The following LTN1 variants were observed in gnomAD, a reference collection of about 807,000 sequenced individuals.
LTN1 encodes the protein E3 ubiquitin-protein ligase listerin.
A neutral mutation model predicts 201.2 loss-of-function variants in LTN1; 88 were observed. That is an observed-to-expected ratio of 0.44 (90% confidence interval 0.37 to 0.52). LTN1 has a LOEUF of 0.52. Ranked by LOEUF, LTN1 falls within the 20% of genes least tolerant of loss-of-function variation. The probability of loss-of-function intolerance (pLI) is 0.00; values close to 1 mark genes in which losing one functional copy is unlikely to be tolerated. For synonymous variants in LTN1, 645 were observed against 713.5 expected, an observed-to-expected ratio of 0.90 and a Z score of 1.53; for missense variants, 1,752 against 2,038.7, an observed-to-expected ratio of 0.86 and a Z score of 2.71.
intron 6 of LTN1, among the ~76,000 whole-genome samples, chr21:28,977,769 A>G (rs2084627644): frequency 6.6e-6 from 1 of 151,994 alleles, no homozygotes; most frequent in Non-Finnish European, 1.5e-5. Context: ...TCTACTAAAA[A>G]ATACAAAAAT....
At chr21:28,964,593 G>A in intron 11 of LTN1, 1 of 1,539,790 alleles carries the variant, frequency 6.5e-7, no homozygotes, top group Non-Finnish European at 8.8e-7. Flanking sequence ...TCTGAGATAT[G>A]CCAGTATGAA....
rs1394095277 is a variant in LTN1, at chr21:28,947,626, A to C, written c.3345-20T>G. On this transcript the variant is annotated intron_variant, in intron 18 of 29. Coordinates refer to ENST00000361371, the MANE Select transcript of LTN1 (RefSeq NM_015565.3). ...AAAAAACTGTTTAAAGAAAAAAAAA[A>C]CACAAGTTAGATTTCTTCCAAACAT... The C allele has an allele frequency of 6.6e-7, 1 of 1,504,926 alleles. No individual in the cohort carries two copies. Among genetic ancestry groups the C allele is most frequent in the Non-Finnish European group, 8.9e-7 (1 of 1,124,698 alleles). The allele number at this position is 1,504,926 out of a possible 1,614,324, so 93.2% of individuals were successfully genotyped here.
chr21:28,936,264 C>T (rs186329919), intron 26 of LTN1, among the ~76,000 whole-genome samples: 7 of 152,164 alleles, frequency 4.6e-5, no homozygotes, highest in African/African-American at 1.4e-4. Flanking sequence ...AATGTTATCA[C>T]GTAAGAAATA....
chr21:28,968,506 C>T (rs948120590), intron 9 of LTN1, among the ~76,000 whole-genome samples: 31 of 152,164 alleles, frequency 2.0e-4, no homozygotes, highest in African/African-American at 7.5e-4. Context: ...TTTCACAAAG[C>T]ATAATTTGAG....
Position 28,931,260 on chromosome 21 carries a change from A to C in LTN1, c.5133T>G (p.Gly1711=), listed in dbSNP as rs750086636. The C allele has an allele frequency of 2.6e-5, 42 of 1,612,982 alleles. No homozygotes were observed. Among genetic ancestry groups the C allele is most frequent in the Non-Finnish European group, 3.4e-5 (40 of 1,179,186 alleles). The change falls in exon 29 of 30, where the codon GGT becomes GGG. Residue 1711 remains glycine (G), a synonymous_variant. Coordinates refer to ENST00000361371, the MANE Select transcript of LTN1 (RefSeq NM_015565.3). ...WKNNVDKRFE[G]VEDCMICFSV... is the part of the protein sequence containing the mutation. ...AGAAACAGATCATGCAATCTTCAAC[A>C]CCCTCAAAACGTTTGTCTACGTTAT...
intron 9 of LTN1, among the ~76,000 whole-genome samples, chr21:28,968,577 T>C (rs1008830221): frequency 6.6e-6 from 1 of 152,170 alleles, no homozygotes; most frequent in Non-Finnish European, 1.5e-5. Context: ...CAAAAGATCA[T>C]AAATAGCAAC....
chr21:28,991,136 C>A (rs1196950440), intron 1 of LTN1, among the ~76,000 whole-genome samples: 2 of 149,626 alleles, frequency 1.3e-5, no homozygotes, highest in Non-Finnish European at 1.5e-5. Context: ...GACTCTGTCC[C>A]CGAAAAAAAA....
chr21:28,952,311 G>T, intron 17 of LTN1, 47 bp from the exon 18 acceptor site: 2 of 1,167,180 alleles, frequency 1.7e-6, no homozygotes, highest in South Asian at 1.4e-5. Context: ...AAAGCATACT[G>T]AATAAAATGT....
intron 22 of LTN1, 148 bp downstream of exon 22, chr21:28,944,235 A>G: frequency 1.5e-6 from 1 of 647,008 alleles, no homozygotes; most frequent in South Asian, 2.0e-5. Context: ...AGCATAGATG[A>G]TGCTTCTGAG....
chr21:28,971,618 T>A (rs2084575872), intron 6 of LTN1, among the ~76,000 whole-genome samples, 174 bp from the exon 7 acceptor site: 1 of 152,204 alleles, frequency 6.6e-6, no homozygotes, highest in Non-Finnish European at 1.5e-5. Context: ...GCATAAGGAA[T>A]TACCAAGGCA....
rs551222752 is a variant in LTN1 at position 28,943,651 on chromosome 21, T to C, written c.4220+16A>G. The stretch of plus-strand genomic sequence containing the variant: ...TTAGACCACTGTAACATTGATTCAA[T>C]TGGATGAATTCTTACTTGTATAGCA... On this transcript the variant is annotated intron_variant, in intron 23 of 29. Transcript: ENST00000361371. The C allele has an allele frequency of 2.6e-6, 4 of 1,512,382 alleles. No individual in the cohort carries two copies. The highest frequency in any genetic ancestry group is 1.1e-5 in the South Asian group (1 of 88,928). 93.7% of individuals were successfully genotyped at this position (1,512,382 alleles called of 1,614,324 possible). A position where few individuals can be genotyped will look rare whatever the true frequency, so the allele number is the denominator to read the frequency against.
rs185316398 is a variant in LTN1 at position 28,947,823 on chromosome 21, A to G, written c.3345-217T>C. ...TTCTGCATAAATTTTTTAAATGAGCATATATAACTTTTCCCCATATATGAT... is the reference window on the plus strand; with the variant it reads ...TTCTGCATAAATTTTTTAAATGAGCGTATATAACTTTTCCCCATATATGAT... On this transcript the variant is annotated intron_variant, in intron 18 of 29. Transcript: ENST00000361371. Among the ~76,000 whole-genome samples, 12 of 152,004 alleles carry G rather than the reference A, an allele frequency of 7.9e-5. No homozygotes were observed. The East Asian group carries it at 2.3e-3, about 29-fold the overall frequency.
chr21:28,964,915 A>C, intron 11 of LTN1: 2 of 999,520 alleles, frequency 2.0e-6, no homozygotes, highest in Non-Finnish European at 2.7e-6. Context: ...AACTAAGGCA[A>C]ATAGTGTGCC....
chr21:28,945,175 C>G (rs768765618), intron 21 of LTN1, among the ~76,000 whole-genome samples: 1 of 151,966 alleles, frequency 6.6e-6, no homozygotes, highest in Non-Finnish European at 1.5e-5. Context: ...GAGCCAAGAT[C>G]GCACCATTGC....
In LTN1 at chr21:28,956,812, A is replaced by G. The variant is rs762457775; in HGVS notation, c.3029T>C (p.Ile1010Thr). The G allele has an allele frequency of 3.7e-6, 6 of 1,611,572 alleles. No individual in the cohort carries two copies. The highest frequency in any genetic ancestry group is 5.1e-6 in the Non-Finnish European group (6 of 1,178,580). Reference protein sequence around the residue: ...TSALLSKMVLIALRKETVLEN... With the variant: ...TSALLSKMVLTALRKETVLEN... The stretch of plus-strand genomic sequence containing the variant: ...TAAGACTGTTTCCTTTCTCAGTGCA[A>G]TTAAGACCATTTTGCTCAATAATGC... Residue 1010 changes from isoleucine to threonine, a missense_variant, in exon 16 of 30, where the codon ATT becomes ACT. Ile to Thr is a moderately conservative substitution (Grantham distance 89, BLOSUM62 -1). This residue lies in a region of LTN1 where 1,211 missense variants were observed against 1,312.8 expected (regional missense o/e 0.92). Transcript: ENST00000361371.
In LTN1 at chr21:28,957,350, C is replaced by T; in HGVS notation, c.2874G>A (p.Arg958=). Residue 958 remains arginine (R), a synonymous_variant, in exon 15 of 30, where the codon AGG becomes AGA. Coordinates refer to ENST00000361371, the MANE Select transcript of LTN1 (RefSeq NM_015565.3). ...MPNDSEWEKM[R]QSLPMQWLHR... ...AAAATACCTGCATAGGAAGAGACTG[C>T]CTCATCTTTTCCCATTCACTGTCGT... 2 of 1,596,226 alleles carry T rather than the reference C, an allele frequency of 1.3e-6. No individual in the cohort carries two copies. The highest frequency in any genetic ancestry group is 1.7e-6 in the Non-Finnish European group (2 of 1,174,030).
intron 18 of LTN1, among the ~76,000 whole-genome samples, chr21:28,950,623 C>A (rs941908424): frequency 6.6e-5 from 10 of 152,068 alleles, no homozygotes; most frequent in African/African-American, 2.2e-4. Context: ...TCAAGTGATC[C>A]TCCCACCTCA....
chr21:28,979,959 C>A (rs1011605738), intron 6 of LTN1, among the ~76,000 whole-genome samples: 2 of 152,010 alleles, frequency 1.3e-5, no homozygotes, highest in African/African-American at 2.4e-5. Flanking sequence ...GTGACAAGAG[C>A]GAAACTCCAT....
intron 6 of LTN1, 130 bp downstream of exon 6, chr21:28,980,989 G>A (rs1306462809): frequency 7.9e-6 from 4 of 503,614 alleles, no homozygotes; most frequent in Admixed American, 7.8e-5. Context: ...AGGTAATTCA[G>A]TAAATGAATA....
Sources: allele counts gnomAD v4.1 joint callset (sites outside exome capture counted in the v4.1 genomes callset), GRCh38; gene constraint gnomAD v4.1.1; regional missense constraint gnomAD v4.1.1; transcripts MANE v1.5; gene names NCBI Gene and HGNC (gene_info 2026-07-23, HGNC 2026-07-21).